The following SIL1 variants were observed in gnomAD, a reference collection of about 807,000 sequenced individuals.
The protein encoded by SIL1 is SIL1 nucleotide exchange factor.
Under a neutral mutation model 49.1 loss-of-function variants are expected in SIL1, and 40 were observed. The ratio of observed to expected loss-of-function variants is 0.81; its 90% CI spans 0.63 to 1.06. The LOEUF is 1.06. Ranked by LOEUF, SIL1 falls within the 50% of genes least tolerant of loss-of-function variation. The pLI, the probability that SIL1 is intolerant of heterozygous loss-of-function variation, is 0.00. For missense variants in SIL1, 500 were observed against 572.6 expected, an observed-to-expected ratio of 0.87 and a Z score of 1.29; for synonymous variants, 253 against 250.8, an observed-to-expected ratio of 1.01 and a Z score of -0.08.
intron 1 of SIL1, among the ~76,000 whole-genome samples, chr5:139,176,006 T>G (rs898830723): frequency 2.0e-5 from 3 of 152,032 alleles, no homozygotes; most frequent in African/African-American, 7.2e-5. Context: ...TCTTATGACC[T>G]TTTTTGTGAG....
At chr5:139,121,928 T>C (rs1210565941) in intron 2 of SIL1, among the ~76,000 whole-genome samples, 2 of 152,238 alleles carry the variant, frequency 1.3e-5, no homozygotes, top group African/African-American at 2.4e-5. Context: ...TTATTCATTT[T>C]GCTCTTTCCT....
At chr5:138,983,754 CA>C (rs1767585956) in intron 7 of SIL1, among the ~76,000 whole-genome samples, 1 of 152,108 alleles carries the variant, frequency 6.6e-6, no homozygotes, top group African/African-American at 2.4e-5. Flanking sequence ...ACATGAATGA[CA>C]GTGATGCCCA....
chr5:139,099,554 TA>T (rs1488643795), intron 3 of SIL1, among the ~76,000 whole-genome samples: 3 of 152,068 alleles, frequency 2.0e-5, no homozygotes, highest in African/African-American at 7.2e-5. Flanking sequence ...AATGGATTTT[TA>T]AAAATGTGGT....
At chr5:139,078,283 A>T (rs533429459) in intron 3 of SIL1, among the ~76,000 whole-genome samples, 4 of 152,134 alleles carry the variant, frequency 2.6e-5, no homozygotes, top group Non-Finnish European at 5.9e-5. Context: ...ATCTCTACCA[A>T]AAAAAAATTT....
intron 4 of SIL1, among the ~76,000 whole-genome samples, chr5:139,046,694 T>G (rs1769172841): frequency 6.6e-6 from 1 of 152,202 alleles, no homozygotes; most frequent in African/African-American, 2.4e-5. Context: ...TGGTAAAACC[T>G]TGCTCCCCAA....
chr5:139,056,355 C>G (rs561621001), intron 3 of SIL1, among the ~76,000 whole-genome samples: 2 of 151,158 alleles, frequency 1.3e-5, no homozygotes, highest in Non-Finnish European at 3.0e-5. Flanking sequence ...CATCTCTGCC[C>G]GGCCAACCCG....
At chr5:139,111,747 T>C (rs1406671099) in intron 3 of SIL1, among the ~76,000 whole-genome samples, 6 of 152,220 alleles carry the variant, frequency 3.9e-5, no homozygotes, top group Non-Finnish European at 5.9e-5. Context: ...TTACATCATC[T>C]TTCTTCATCT....
At chr5:139,062,631 A>G (rs538895335) in intron 3 of SIL1, among the ~76,000 whole-genome samples, 1 of 152,230 alleles carries the variant, frequency 6.6e-6, no homozygotes, top group East Asian at 1.9e-4. Flanking sequence ...CTGGTGACCA[A>G]CCATTCTACA....
Position 138,947,606 on chromosome 5 carries a change from T to C in SIL1, c.1030-133A>G. The C allele has an allele frequency of 2.8e-6, 2 of 719,228 alleles. No homozygotes were observed. The highest frequency in any genetic ancestry group is 5.0e-6 in the Non-Finnish European group (2 of 399,554). The allele number at this position is 719,228 out of a possible 1,614,324, so 44.6% of individuals were successfully genotyped here. A position where few individuals can be genotyped will look rare whatever the true frequency, so the allele number is the denominator to read the frequency against. On this transcript the variant is annotated intron_variant, in intron 9 of 9. Transcript: ENST00000394817. This position sits in a 1 kb window ranked among gnomAD's most constrained non-coding sequence, Gnocchi z 4.1. Reference sequence around the variant, plus strand: ...CGAGGCTGACCCCTGAGGGCCCACCTCTTCCTCTATCCCCAAGTCTGTCTG... The same window carrying C: ...CGAGGCTGACCCCTGAGGGCCCACCCCTTCCTCTATCCCCAAGTCTGTCTG...
At chr5:139,112,786 G>A (rs1019725584) in intron 3 of SIL1, among the ~76,000 whole-genome samples, 6 of 152,088 alleles carry the variant, frequency 3.9e-5, no homozygotes, top group Non-Finnish European at 5.9e-5. Context: ...CCACCACCCC[G>A]TCTGGGAGGT....
intron 1 of SIL1, among the ~76,000 whole-genome samples, chr5:139,179,383 G>T (rs1751941769): frequency 6.6e-6 from 1 of 152,230 alleles, no homozygotes; most frequent in Admixed American, 6.5e-5. Context: ...ATGAAGCAGA[G>T]ATGTGCCCAA....
chr5:139,112,683 G>A (rs938462213), intron 3 of SIL1, among the ~76,000 whole-genome samples: 47 of 149,020 alleles, frequency 3.2e-4, no homozygotes, highest in African/African-American at 1.0e-3. Flanking sequence ...GGGAGGTGGC[G>A]GGCGCCTCCG....
intron 1 of SIL1, among the ~76,000 whole-genome samples, chr5:139,196,830 T>TA (rs1031063904): frequency 2.0e-5 from 3 of 152,072 alleles, no homozygotes; most frequent in Admixed American, 2.0e-4. Flanking sequence ...TCAATCCCAA[T>TA]ATCGTTACAC....
rs533449287 is a variant in SIL1 at position 139,175,341 on chromosome 5, A to T, written c.-11+22928T>A. Among the ~76,000 whole-genome samples, 15 of 152,316 alleles carry T rather than the reference A, an allele frequency of 9.8e-5. No homozygotes were observed. The East Asian group carries it at 2.7e-3, about 27-fold the overall frequency. ...CATCTCAAAACAAACAAACAAAAAA[A>T]AAGAGTGTACTATGAGCAGGTGTAC... On this transcript the variant is annotated intron_variant, in intron 1 of 9. Coordinates refer to ENST00000394817, the MANE Select transcript of SIL1 (RefSeq NM_022464.5).
chr5:139,139,546 T>C (rs1751040688), intron 1 of SIL1, among the ~76,000 whole-genome samples: 1 of 152,242 alleles, frequency 6.6e-6, no homozygotes, highest in Non-Finnish European at 1.5e-5. Context: ...ATTTCAGCAT[T>C]AATGTCAGTT....
At chr5:139,138,162 C>G (rs574381001) in intron 1 of SIL1, among the ~76,000 whole-genome samples, 117 of 145,244 alleles carry the variant, frequency 8.1e-4, no homozygotes, top group African/African-American at 3.0e-3. Context: ...CACACACACA[C>G]AAACCACAAC....
At chr5:139,078,795 C>T (rs1179089925) in intron 3 of SIL1, among the ~76,000 whole-genome samples, 1 of 152,210 alleles carries the variant, frequency 6.6e-6, no homozygotes, top group Non-Finnish European at 1.5e-5. Context: ...ATGATAGTCA[C>T]CAAGCAGCTG....
intron 7 of SIL1, among the ~76,000 whole-genome samples, chr5:138,974,882 CAT>C (rs1048149064): frequency 2.0e-5 from 3 of 152,338 alleles, no homozygotes; most frequent in African/African-American, 7.2e-5. Flanking sequence ...TTAATCCTCA[CAT>C]GAGTCTGTGA....
chr5:139,066,776 G>A (rs1468638387), intron 3 of SIL1, among the ~76,000 whole-genome samples: 1 of 152,002 alleles, frequency 6.6e-6, no homozygotes. Context: ...TATGATCACG[G>A]CTCACTGCAG....
Sources: gnomAD v4.1 joint callset for allele counts (sites outside exome capture counted in the v4.1 genomes callset) on GRCh38, gnomAD v4.1.1 for gene constraint, Gnocchi (gnomAD v3.1) non-coding constraint, MANE v1.5 for transcripts, NCBI Gene and HGNC (gene_info 2026-07-23, HGNC 2026-07-21) for gene names.